Variants in SNRNP40 observed in about 807,000 individuals in gnomAD.
SNRNP40 encodes U5 small nuclear ribonucleoprotein 40 kDa protein.
A neutral mutation model predicts 45.8 loss-of-function variants in SNRNP40; 21 were observed. That is an observed-to-expected ratio of 0.46 (90% confidence interval 0.32 to 0.66). The LOEUF (loss-of-function observed/expected upper bound fraction) is 0.66. Among genes scored for constraint, SNRNP40 ranks in the 30% least tolerant of loss-of-function variants. SNRNP40 has a pLI of 0.03. For missense variants in SNRNP40, 344 were observed against 439.1 expected (o/e 0.78, Z 1.94); for synonymous variants, 142 against 163.8 (o/e 0.87, Z 1.01).
chr1:31,279,632 A>C (rs770954260), intron 5 of SNRNP40, among the ~76,000 whole-genome samples: 1 of 152,130 alleles, frequency 6.6e-6, no homozygotes, highest in Non-Finnish European at 1.5e-5. Flanking sequence ...CTGTAGTCCC[A>C]GCTACTCAGG....
intron 8 of SNRNP40, among the ~76,000 whole-genome samples, chr1:31,266,711 T>C (rs1025359014): frequency 6.6e-6 from 1 of 152,200 alleles, no homozygotes; most frequent in Non-Finnish European, 1.5e-5. Flanking sequence ...CACTTCCCAC[T>C]AACCCAGACA....
At chr1:31,277,597 G>A (rs1486438958) in intron 5 of SNRNP40, among the ~76,000 whole-genome samples, 2 of 152,222 alleles carry the variant, frequency 1.3e-5, no homozygotes, top group Non-Finnish European at 2.9e-5. Context: ...CAAGGAGACT[G>A]TCTCAGTGCT....
chr1:31,263,969 A>G (rs1421638451), intron 8 of SNRNP40, among the ~76,000 whole-genome samples: 4 of 151,132 alleles, frequency 2.6e-5, no homozygotes, highest in Admixed American at 2.6e-4. Context: ...TTAAGTCATT[A>G]AAGGGTAAAG....
At chr1:31,290,053 G>T (rs1646092120) in intron 3 of SNRNP40, among the ~76,000 whole-genome samples, 1 of 152,102 alleles carries the variant, frequency 6.6e-6, no homozygotes, top group Non-Finnish European at 1.5e-5. Context: ...GTAGAGGCAA[G>T]GTCTCACTAT....
intron 4 of SNRNP40, among the ~76,000 whole-genome samples, chr1:31,287,269 C>T (rs540787916): frequency 3.9e-5 from 6 of 152,136 alleles, no homozygotes; most frequent in South Asian, 2.1e-4. Context: ...AATATACTGA[C>T]ATTAAAAATA....
chr1:31,280,187 T>TG (rs1280117236), intron 5 of SNRNP40, among the ~76,000 whole-genome samples: 2 of 141,692 alleles, frequency 1.4e-5, no homozygotes, highest in Admixed American at 7.2e-5. Context: ...TTTTTGGAGA[T>TG]GGAGTCTTGC....
At chr1:31,284,932 G>A (rs1319597529) in intron 4 of SNRNP40, among the ~76,000 whole-genome samples, 1 of 152,130 alleles carries the variant, frequency 6.6e-6, no homozygotes, top group Non-Finnish European at 1.5e-5. Context: ...ACAGAATCAA[G>A]TCCAAACTTC....
Position 31,261,558 on chromosome 1 carries a change from T to G in SNRNP40, c.995A>C (p.Glu332Ala). The G allele has an allele frequency of 6.2e-7, 1 of 1,613,928 alleles. No individual in the cohort carries two copies. The highest frequency in any genetic ancestry group is 8.5e-7 in the Non-Finnish European group (1 of 1,179,848). ...KLPGHAGSIN[E>A]VAFHPDEPII... Reference sequence around the variant, plus strand: ...GGGCTCATCAGGGTGGAAAGCCACTTCATTGATGGAGCCAGCATGGCCGGG... The same window carrying G: ...GGGCTCATCAGGGTGGAAAGCCACTGCATTGATGGAGCCAGCATGGCCGGG... The change falls in exon 9 of 10, where the codon GAA becomes GCA. Residue 332 changes from glutamate (E) to alanine (A), a missense_variant. Physicochemically the swap from Glu to Ala is moderately radical, Grantham distance 107. This residue lies in a region of SNRNP40 where 254 missense variants were observed against 380.2 expected (regional missense o/e 0.67). Coordinates refer to ENST00000263694, the MANE Select transcript of SNRNP40 (RefSeq NM_004814.3).
intron 5 of SNRNP40, among the ~76,000 whole-genome samples, chr1:31,273,085 C>A (rs962292412): frequency 8.5e-5 from 13 of 152,156 alleles, no homozygotes; most frequent in African/African-American, 2.9e-4. Context: ...ATGTGTGGAG[C>A]CCAACACATT....
intron 4 of SNRNP40, among the ~76,000 whole-genome samples, chr1:31,283,983 G>T (rs550501163): frequency 6.6e-6 from 1 of 152,112 alleles, no homozygotes; most frequent in Non-Finnish European, 1.5e-5. Context: ...CAGCACTTTC[G>T]GAGGCCGAGG....
chr1:31,287,774 C>G (rs533841230), intron 4 of SNRNP40, among the ~76,000 whole-genome samples: 20 of 152,178 alleles, frequency 1.3e-4, no homozygotes, highest in African/African-American at 4.8e-4. Context: ...CCGAGGGGGG[C>G]GGATCACAAG....
intron 2 of SNRNP40, among the ~76,000 whole-genome samples, chr1:31,292,551 C>T (rs1183537713): frequency 6.6e-6 from 1 of 152,192 alleles, no homozygotes; most frequent in East Asian, 1.9e-4. Context: ...GTATCATCCA[C>T]CCGGCACCGA....
At chr1:31,274,692 A>T (rs1265618455) in intron 5 of SNRNP40, among the ~76,000 whole-genome samples, 3 of 150,268 alleles carry the variant, frequency 2.0e-5, no homozygotes. Flanking sequence ...TCCTAACTAG[A>T]GTTCAGGATT....
intron 5 of SNRNP40, among the ~76,000 whole-genome samples, chr1:31,274,445 C>T (rs1184334858): frequency 6.6e-6 from 1 of 151,952 alleles, no homozygotes; most frequent in South Asian, 2.1e-4. Context: ...CCATGTTGGC[C>T]ATGGCCAGGA....
intron 4 of SNRNP40, among the ~76,000 whole-genome samples, chr1:31,286,519 C>T (rs1435973341): frequency 2.0e-5 from 3 of 152,124 alleles, no homozygotes; most frequent in Non-Finnish European, 2.9e-5. Flanking sequence ...CCAGTCTGCA[C>T]TTCTCCAAGC....
In SNRNP40 at chr1:31,271,416, T is replaced by G. The variant is rs201231031; in HGVS notation, c.738A>C (p.Glu246Asp). ...TTGCATTGGACAAAAGATAAGAGCC[T>G]TCAGAACTTAAACTCAGGCCAGTCA... ...DSVTGLSLSS[E>D]GSYLLSNAMD... The change falls in exon 6 of 10, where the codon GAA becomes GAC. Residue 246 changes from glutamate to aspartate, a missense_variant. Glu to Asp is a conservative substitution (Grantham distance 45, BLOSUM62 2). Transcript: ENST00000263694. 207 of 1,613,924 alleles carry G rather than the reference T, an allele frequency of 1.3e-4. No individual in the cohort carries two copies. The highest frequency in any genetic ancestry group is 1.6e-4 in the Non-Finnish European group (189 of 1,179,990).
At chr1:31,289,529 G>T in intron 3 of SNRNP40, 110 bp from the exon 4 acceptor site, 2 of 871,186 alleles carry the variant, frequency 2.3e-6, no homozygotes, top group Non-Finnish European at 3.6e-6. Context: ...CTGACCTGCT[G>T]TGCTACGCCA....
intron 1 of SNRNP40, among the ~76,000 whole-genome samples, chr1:31,294,119 G>A (rs1206757477): frequency 2.6e-5 from 4 of 151,640 alleles, no homozygotes; most frequent in Non-Finnish European, 4.4e-5. Flanking sequence ...AACCACGCCC[G>A]GCTAATTTTT....
At chr1:31,278,925 T>C (rs11583123) in intron 5 of SNRNP40, among the ~76,000 whole-genome samples, 83,190 of 151,790 alleles carry the variant, frequency 0.55, 23,744 homozygotes, top group Non-Finnish European at 0.63. Flanking sequence ...TAATGGTATG[T>C]AGAGAAGGAG....
Sources: gnomAD v4.1 joint callset for allele counts (sites outside exome capture counted in the v4.1 genomes callset) on GRCh38, gnomAD v4.1.1 for gene constraint, gnomAD v4.1.1 regional missense constraint, MANE v1.5 for transcripts, NCBI Gene and HGNC (gene_info 2026-07-23, HGNC 2026-07-21) for gene names.